Variants in DTNA observed in about 807,000 individuals in gnomAD.
The protein encoded by DTNA is dystrobrevin alpha.
In DTNA, 43 loss-of-function variants were observed where a neutral mutation model predicts 100.7. The ratio of observed to expected loss-of-function variants is 0.43; its 90% CI spans 0.33 to 0.55. The LOEUF is 0.55. Ranked by LOEUF, DTNA falls within the 20% of genes least tolerant of loss-of-function variation. The pLI is 0.04. For missense variants in DTNA, 798 were observed against 953.9 expected (o/e 0.84, Z 2.15); for synonymous variants, 349 against 347.9 (o/e 1.00, Z -0.04).
chr18:34,678,913 T>A (rs1467181814), intron 1 of DTNA, among the ~76,000 whole-genome samples: 1 of 152,206 alleles, frequency 6.6e-6, no homozygotes, highest in Non-Finnish European at 1.5e-5. Flanking sequence ...GATTATTAAG[T>A]AACATTAGGT....
intron 1 of DTNA, among the ~76,000 whole-genome samples, chr18:34,583,172 G>A (rs1160055374): frequency 1.3e-5 from 2 of 152,176 alleles, no homozygotes; most frequent in Non-Finnish European, 2.9e-5. Context: ...GGAACAACAT[G>A]TAATGTCAGA....
intron 1 of DTNA, among the ~76,000 whole-genome samples, chr18:34,724,340 T>C (rs1450763786): frequency 1.3e-5 from 2 of 152,198 alleles, no homozygotes; most frequent in African/African-American, 4.8e-5. Context: ...AGCTAAAAAA[T>C]CCTATGCAGC....
At chr18:34,507,016 A>G (rs374854212) in intron 1 of DTNA, among the ~76,000 whole-genome samples, 1 of 152,184 alleles carries the variant, frequency 6.6e-6, no homozygotes, top group Admixed American at 6.5e-5. Flanking sequence ...TGAATAATCA[A>G]CAGTTGACAG....
At chr18:34,510,629 T>C (rs952970351) in intron 1 of DTNA, among the ~76,000 whole-genome samples, 1 of 150,436 alleles carries the variant, frequency 6.6e-6, no homozygotes, top group African/African-American at 2.4e-5. Context: ...ATTCTTTTTT[T>C]TTTTTTTTTT....
intron 3 of DTNA, among the ~76,000 whole-genome samples, chr18:34,784,091 G>C (rs1428431011): frequency 2.0e-5 from 3 of 152,092 alleles, no homozygotes. Flanking sequence ...CCACACTCTA[G>C]ACCTATGGAT....
In DTNA at chr18:34,799,800, T is replaced by A. The variant is rs147803294; in HGVS notation, c.362+5550T>A. On this transcript the variant is annotated intron_variant, in intron 4 of 22. Transcript: ENST00000444659. ...GTTTATCTGACATACTTTGAATGAG[T>A]AGCAGGTAGAATTTCAAGAGAGATG... is the stretch of plus-strand genomic sequence containing the variant. 1.1e-4 allele frequency among the ~76,000 whole-genome samples: 17 copies of A among 152,296 alleles called. No homozygotes were observed. The East Asian group carries it at 3.3e-3, about 29-fold the overall frequency.
chr18:34,552,925 T>C (rs1486101342), intron 1 of DTNA, among the ~76,000 whole-genome samples: 3 of 146,114 alleles, frequency 2.1e-5, no homozygotes, highest in Non-Finnish European at 4.5e-5. Flanking sequence ...ATGGTATTTC[T>C]AGTTCTAGAT....
At chr18:34,717,339 ATTTAATATCGGAGGTTAAT>A (rs1158477265) in intron 1 of DTNA, among the ~76,000 whole-genome samples, 1 of 152,192 alleles carries the variant, frequency 6.6e-6, no homozygotes, top group Non-Finnish European at 1.5e-5. Flanking sequence ...AGGGTCTTTT[ATTTAATATCGGAGGTTAAT>A]TTCAAGCACC....
intron 1 of DTNA, among the ~76,000 whole-genome samples, chr18:34,615,792 T>C (rs1385022996): frequency 6.6e-6 from 1 of 152,146 alleles, no homozygotes; most frequent in Non-Finnish European, 1.5e-5. Flanking sequence ...CTTTTTTGTG[T>C]CTATGTACTC....
chr18:34,866,953 A>T, intron 17 of DTNA: 1 of 1,169,466 alleles, frequency 8.6e-7, no homozygotes, highest in South Asian at 4.4e-5. Context: ...GGTCAGGCTC[A>T]AGAGCCAGCA....
chr18:34,644,886 A>G (rs1178541618), intron 1 of DTNA, among the ~76,000 whole-genome samples: 1 of 152,098 alleles, frequency 6.6e-6, no homozygotes, highest in East Asian at 1.9e-4. Flanking sequence ...CATTCTTTCT[A>G]ATGTTCCCTG....
chr18:34,818,804 C>A lies in DTNA; in HGVS notation c.876+474C>A, dbSNP rs72963047. 0.17 allele frequency among the ~76,000 whole-genome samples: 25,575 copies of A among 151,954 alleles called. 2,735 individuals are homozygous for A. Among genetic ancestry groups the A allele is most frequent in the South Asian group, 0.27 (1,309 of 4,800 alleles). ...GAGTGTGGACTTAATAATACTGTTC[C>A]ATTTTACTTTTCTGCAGAGGGTGGG... On this transcript the variant is annotated intron_variant, in intron 8 of 22. Coordinates refer to ENST00000444659, the MANE Select transcript of DTNA (RefSeq NM_001386795.1).
intron 6 of DTNA, among the ~76,000 whole-genome samples, chr18:34,813,443 CA>C (rs60685560): frequency 2.8e-3 from 325 of 115,590 alleles, no homozygotes; most frequent in Middle Eastern, 4.5e-3. Context: ...GGCCCTGTCT[CA>C]AAAAAAAAAA....
chr18:34,874,547 T>C (rs550442512), intron 17 of DTNA, among the ~76,000 whole-genome samples: 27 of 152,352 alleles, frequency 1.8e-4, no homozygotes, highest in Non-Finnish European at 2.6e-4. Flanking sequence ...CCTACTATTC[T>C]TATTGTCCTG....
At chr18:34,754,818 T>C (rs985222676) in intron 1 of DTNA, among the ~76,000 whole-genome samples, 1 of 152,146 alleles carries the variant, frequency 6.6e-6, no homozygotes, top group Non-Finnish European at 1.5e-5. Flanking sequence ...TTGTGTGCTG[T>C]GGAGGTGCAG....
intron 1 of DTNA, among the ~76,000 whole-genome samples, chr18:34,502,412 A>G (rs903616570): frequency 6.6e-6 from 1 of 152,156 alleles, no homozygotes; most frequent in African/African-American, 2.4e-5. Context: ...GGAGAAAGAT[A>G]ATAATATCTT....
At chr18:34,731,751 A>G (rs887503908) in intron 1 of DTNA, among the ~76,000 whole-genome samples, 2 of 152,188 alleles carry the variant, frequency 1.3e-5, no homozygotes, top group African/African-American at 4.8e-5. Context: ...CCTGTGTGTC[A>G]CCAGTGCCTT....
chr18:34,821,055 A>T, intron 9 of DTNA, 140 bp downstream of exon 9: 10 of 1,304,300 alleles, frequency 7.7e-6, no homozygotes, highest in Non-Finnish European at 1.1e-5. Context: ...GAGTAATGCC[A>T]TCATAATTTT....
chr18:34,638,724 A>G (rs1412153159), intron 1 of DTNA, among the ~76,000 whole-genome samples: 2 of 152,224 alleles, frequency 1.3e-5, no homozygotes, highest in African/African-American at 4.8e-5. Context: ...TCATGCCCAC[A>G]ATGAAAGCAA....
Sources: allele counts gnomAD v4.1 joint callset (sites outside exome capture counted in the v4.1 genomes callset), GRCh38; gene constraint gnomAD v4.1.1; transcripts MANE v1.5; gene names NCBI Gene and HGNC (gene_info 2026-07-23, HGNC 2026-07-21).